The following CACNA1E variants were observed in gnomAD, a reference collection of about 807,000 sequenced individuals.
CACNA1E encodes the protein voltage-dependent R-type calcium channel subunit alpha-1E.
In CACNA1E, 40 loss-of-function variants were observed where a neutral mutation model predicts 259.2. The ratio of observed to expected loss-of-function variants is 0.15; its 90% CI spans 0.12 to 0.20. CACNA1E has a LOEUF of 0.20. CACNA1E is among the 10% of genes least tolerant of loss of function. The probability of loss-of-function intolerance (pLI) is 1.00; values close to 1 mark genes in which losing one functional copy is unlikely to be tolerated. For missense variants in CACNA1E, 1,874 were observed against 3,040.1 expected, an observed-to-expected ratio of 0.62 and a Z score of 9.02; for synonymous variants, 1,104 against 1,138.5, an observed-to-expected ratio of 0.97 and a Z score of 0.61.
In CACNA1E at chr1:181,483,846, G is replaced by A. The variant is rs749016459; in HGVS notation, c.102G>A (p.Gly34=). ...AAGGAACCCCCGTGCCGGCCTCGGG[G>A]CAGGCGGCCGCCTACAAGCAGACGA... ...NRQGTPVPAS[G]QAAAYKQTKA... Residue 34 remains glycine (G), a synonymous_variant, in exon 1 of 48, where the codon GGG becomes GGA. Transcript: ENST00000367573. 9 of 1,613,772 alleles carry A rather than the reference G, an allele frequency of 5.6e-6. No individual in the cohort carries two copies. Among genetic ancestry groups the A allele is most frequent in the Middle Eastern group, 1.7e-4 (1 of 6,058 alleles).
chr1:181,362,571 T>C (rs1224871251), intron 1 of CACNA1E, among the ~76,000 whole-genome samples: 1 of 152,198 alleles, frequency 6.6e-6, no homozygotes, highest in Non-Finnish European at 1.5e-5. Context: ...TTGAAACTAA[T>C]GGAATGATGA....
At chr1:181,484,875 C>T (rs997307111) in intron 1 of CACNA1E, among the ~76,000 whole-genome samples, 2 of 152,228 alleles carry the variant, frequency 1.3e-5, no homozygotes, top group Non-Finnish European at 2.9e-5. Context: ...AAAGGAACTG[C>T]TCTCCCCAAA....
intron 45 of CACNA1E, 65 bp downstream of exon 45, chr1:181,793,858 A>G: frequency 6.6e-7 from 1 of 1,520,834 alleles, no homozygotes; most frequent in Non-Finnish European, 8.9e-7. Context: ...TTATGGAATA[A>G]TATCTGATAT....
intron 6 of CACNA1E, among the ~76,000 whole-genome samples, chr1:181,593,133 C>T (rs16857762): frequency 0.12 from 18,541 of 152,122 alleles, 1,648 homozygotes; most frequent in African/African-American, 0.24. Flanking sequence ...AAAAAGTATA[C>T]GAAAGTGCTT....
At position 181,366,904 on chromosome 1, in the gene CACNA1E, C is replaced by T. The variant is rs1464031606; in HGVS notation, c.-14-46229C>T. Reference sequence around the variant, plus strand: ...TCTCATAAGCAGCCATCTAGGGGTACTTTTATTTCCATTTCATAAGTAAAG... The same window carrying T: ...TCTCATAAGCAGCCATCTAGGGGTATTTTTATTTCCATTTCATAAGTAAAG... On this transcript the variant is annotated intron_variant, in intron 1 of 11. Transcript: ENST00000524607. Among the ~76,000 whole-genome samples, 6 of 152,286 alleles carry T rather than the reference C, an allele frequency of 3.9e-5. No homozygotes were observed. The East Asian group carries it at 1.2e-3, about 29-fold the overall frequency.
At chr1:181,698,298 C>T (rs1651905571) in intron 7 of CACNA1E, among the ~76,000 whole-genome samples, 1 of 152,180 alleles carries the variant, frequency 6.6e-6, no homozygotes, top group African/African-American at 2.4e-5. Flanking sequence ...TAAGAGTTGT[C>T]AACTGACAGT....
At chr1:181,772,752 T>C (rs1373173592) in intron 37 of CACNA1E, among the ~76,000 whole-genome samples, 2 of 152,188 alleles carry the variant, frequency 1.3e-5, no homozygotes, top group Non-Finnish European at 2.9e-5. Context: ...TCTTGACTTG[T>C]AATGTTATTA....
chr1:181,588,112 C>T (rs1166388999), intron 6 of CACNA1E, among the ~76,000 whole-genome samples: 2 of 152,142 alleles, frequency 1.3e-5, no homozygotes, highest in African/African-American at 2.4e-5. Flanking sequence ...TGGGCGCCGG[C>T]GCACCGCTGG....
chr1:181,735,860 GTAA>G (rs1282124845), intron 21 of CACNA1E, among the ~76,000 whole-genome samples: 1 of 152,162 alleles, frequency 6.6e-6, no homozygotes, highest in Non-Finnish European at 1.5e-5. Context: ...TATCATGGGA[GTAA>G]TAATACATGC....
chr1:181,497,443 A>G (rs1664859767), intron 1 of CACNA1E, among the ~76,000 whole-genome samples: 2 of 152,116 alleles, frequency 1.3e-5, no homozygotes, highest in African/African-American at 4.8e-5. Context: ...TTTTACCACC[A>G]TTCTATAAGG....
intron 43 of CACNA1E, among the ~76,000 whole-genome samples, chr1:181,787,489 C>T (rs552756618): frequency 1.3e-5 from 2 of 152,230 alleles, no homozygotes; most frequent in South Asian, 4.2e-4. Flanking sequence ...TACAAATTAA[C>T]CCACCACCAT....
At chr1:181,436,268 A>G (rs2102273926) in intron 2 of CACNA1E, among the ~76,000 whole-genome samples, 1 of 152,372 alleles carries the variant, frequency 6.6e-6, no homozygotes, top group Non-Finnish European at 1.5e-5. Flanking sequence ...TGTTGGTAGA[A>G]TGTAAATTGA....
intron 7 of CACNA1E, among the ~76,000 whole-genome samples, chr1:181,659,965 G>A (rs1281822375): frequency 6.6e-6 from 1 of 152,144 alleles, no homozygotes; most frequent in Non-Finnish European, 1.5e-5. Context: ...TGGTAAGCCT[G>A]GAATATCATC....
intron 7 of CACNA1E, among the ~76,000 whole-genome samples, chr1:181,656,382 G>A (rs750531235): frequency 8.6e-5 from 13 of 151,910 alleles, no homozygotes; most frequent in South Asian, 6.2e-4. Flanking sequence ...TTGTGTCTTC[G>A]CTTTTAACAA....
chr1:181,701,910 A>T (rs557687929), intron 7 of CACNA1E, among the ~76,000 whole-genome samples: 166 of 152,184 alleles, frequency 1.1e-3, no homozygotes, highest in Non-Finnish European at 2.0e-3. Context: ...TTTATTGATG[A>T]TGTTTTACTG....
intron 6 of CACNA1E, among the ~76,000 whole-genome samples, chr1:181,620,859 A>G (rs140025757): frequency 8.2e-4 from 125 of 152,306 alleles, no homozygotes; most frequent in African/African-American, 3.0e-3. Flanking sequence ...GAAGACTTAA[A>G]TAAGTAAAGA....
At position 181,351,396 on chromosome 1, in the gene CACNA1E, G is replaced by A. The variant is rs1325962764; in HGVS notation, c.-15+33273G>A. On this transcript the variant is annotated intron_variant, in intron 1 of 11. Coordinates refer to the CACNA1E transcript ENST00000524607. The stretch of plus-strand genomic sequence containing the variant: ...CCCTGGACTCTCTGAGGTGGAGGAA[G>A]ATGGCCATAAGTTCCCCAGAGTGGC... 2.0e-5 allele frequency among the ~76,000 whole-genome samples: 3 copies of A among 152,232 alleles called. No homozygotes were observed. The South Asian group carries it at 6.2e-4, about 31-fold the overall frequency.
At chr1:181,711,184 T>A in intron 8 of CACNA1E, 115 bp downstream of exon 8, 1 of 712,100 alleles carries the variant, frequency 1.4e-6, no homozygotes, top group Admixed American at 2.5e-5. Flanking sequence ...AGAGAGACAC[T>A]CTGGATGCTT....
At chr1:181,719,318 A>G (rs552761421) in intron 12 of CACNA1E, among the ~76,000 whole-genome samples, 21 of 152,344 alleles carry the variant, frequency 1.4e-4, no homozygotes, top group African/African-American at 4.3e-4. Context: ...CCATGACTGA[A>G]AGATATTTAT....
Sources: allele counts gnomAD v4.1 joint callset (sites outside exome capture counted in the v4.1 genomes callset), GRCh38; gene constraint gnomAD v4.1.1; transcripts MANE v1.5; gene names NCBI Gene and HGNC (gene_info 2026-07-23, HGNC 2026-07-21).